HOXC4: variants seen among roughly 807,000 people sequenced by gnomAD.
HOXC4 encodes the protein homeobox protein Hox-C4.
In HOXC4, 15 loss-of-function variants were observed where a neutral mutation model predicts 25.5. The observed-to-expected ratio is 0.59, with a 90% CI of 0.39 to 0.91. The LOEUF (loss-of-function observed/expected upper bound fraction) is 0.91. Among genes scored for constraint, HOXC4 ranks in the 40% least tolerant of loss-of-function variants. HOXC4 has a pLI of 0.00. For missense variants in HOXC4, 342 were observed against 352.4 expected (o/e 0.97, Z 0.24); for synonymous variants, 165 against 148.0 (o/e 1.11, Z -0.83).
At chr12:54,050,767 G>A (rs1937825897), upstream of HOXC4, among the ~76,000 whole-genome samples, 1 of 152,166 alleles carries the variant, frequency 6.6e-6, no homozygotes, top group Non-Finnish European at 1.5e-5. Context: ...GCACATTTGG[G>A]GGAATCTTGG....
At chr12:54,042,171 T>A (rs1248538809) in intron 1 of HOXC4, among the ~76,000 whole-genome samples, 1 of 151,890 alleles carries the variant, frequency 6.6e-6, no homozygotes, top group Non-Finnish European at 1.5e-5. Flanking sequence ...AGAGACAGGG[T>A]TTCTCCGTGT....
chr12:54,026,965 G>T (rs1021183138), intron 1 of HOXC4, among the ~76,000 whole-genome samples: 9 of 45,180 alleles, frequency 2.0e-4, no homozygotes, highest in Non-Finnish European at 1.5e-4. Context: ...CAAAAATGGT[G>T]GGGGGGGGGG....
Position 54,026,398 on chromosome 12 carries a change from C to T in HOXC4, c.-124+8984C>T, listed in dbSNP as rs141237178. Among the ~76,000 whole-genome samples, 477 of 152,334 alleles carry T rather than the reference C, an allele frequency of 3.1e-3. 4 individuals carry two copies. Among genetic ancestry groups the T allele is most frequent in the African/African-American group, 0.011 (438 of 41,586 alleles). ...AGCTGGATTCTAGGGCAAAAAGCAA[C>T]TCACATTGGTGTCTATGTTTGTGTA... On this transcript the variant is annotated intron_variant, in intron 1 of 3. Transcript: ENST00000303406.
At chr12:54,044,847 C>T (rs913673296) in intron 1 of HOXC4, among the ~76,000 whole-genome samples, 2 of 152,062 alleles carry the variant, frequency 1.3e-5, no homozygotes, top group African/African-American at 4.8e-5. Flanking sequence ...CCTAAGGATC[C>T]CCCACCCCCT....
At chr12:54,034,587 G>A (rs4016778) in intron 1 of HOXC4, 57,967 of 1,062,948 alleles carry the variant, frequency 0.055, 2,285 homozygotes, top group South Asian at 0.16. Flanking sequence ...CGGGTCGGGG[G>A]CAGGTGCTGG....
upstream of HOXC4, among the ~76,000 whole-genome samples, chr12:54,051,470 C>T (rs1346181143): frequency 1.3e-5 from 2 of 152,188 alleles, no homozygotes; most frequent in Non-Finnish European, 2.9e-5. Flanking sequence ...AAGCAGTAGC[C>T]TTCCTCCGCC....
Position 54,055,385 on chromosome 12 carries a change from C to A in HOXC4, c.*180C>A, listed in dbSNP as rs556489134. ...AGACAAAACAGATAAACAAACAAGC[C>A]CCCTGCCCTCCTCTCCCTCCCACTG... On this transcript the variant is annotated 3_prime_UTR_variant, in exon 2 of 2. Coordinates refer to ENST00000430889, the MANE Select transcript of HOXC4 (RefSeq NM_153633.3). The A allele has an allele frequency of 4.7e-4, 104 of 221,380 alleles. No individual in the cohort carries two copies. Among genetic ancestry groups the A allele is most frequent in the African/African-American group, 2.3e-3 (101 of 43,130 alleles). The allele number at this position is 221,380 out of a possible 1,614,324, so 13.7% of individuals were successfully genotyped here.
intron 1 of HOXC4, among the ~76,000 whole-genome samples, chr12:54,026,515 TG>T (rs1427806569): frequency 1.3e-5 from 2 of 152,238 alleles, no homozygotes; most frequent in Non-Finnish European, 2.9e-5. Flanking sequence ...TTCATTTCCT[TG>T]GGGAGAAGAA....
At chr12:54,043,958 GTGTGTGTGTT>G (rs1240427293) in intron 1 of HOXC4, among the ~76,000 whole-genome samples, 2,348 of 135,180 alleles carry the variant, frequency 0.017, 52 homozygotes, top group African/African-American at 0.063. Context: ...GTGTGTGTGT[GTGTGTGTGTT>G]TAGGGAGTAG....
intron 1 of HOXC4, chr12:54,030,749 A>G (rs1024028895): frequency 6.6e-6 from 1 of 152,576 alleles, no homozygotes. Context: ...CCTTCGTGTT[A>G]CCCTCCTGTA....
In HOXC4 at chr12:54,054,877, C is replaced by T. The variant is rs200589330; in HGVS notation, c.467C>T (p.Pro156Leu). 1 of 1,610,130 alleles carries T rather than the reference C, an allele frequency of 6.2e-7. No homozygotes were observed. The highest frequency in any genetic ancestry group is 1.3e-5 in the African/African-American group (1 of 74,858). The stretch of plus-strand genomic sequence containing the variant: ...AACCCCAATTATAACGGAGGGGAAC[C>T]CAAGCGCTCGAGGACAGCCTATACC... ...TVNPNYNGGEPKRSRTAYTRQ... is the reference protein window; with the variant it reads ...TVNPNYNGGELKRSRTAYTRQ... The change falls in exon 2 of 2, where the codon CCC becomes CTC. Residue 156 changes from proline (P) to leucine (L), a missense_variant. By Grantham distance (98) the Pro-to-Leu change is moderately conservative. Coordinates refer to ENST00000430889, the MANE Select transcript of HOXC4 (RefSeq NM_153633.3).
intron 1 of HOXC4, among the ~76,000 whole-genome samples, chr12:54,031,948 A>G (rs1941003492): frequency 6.6e-6 from 1 of 152,210 alleles, no homozygotes; most frequent in Non-Finnish European, 1.5e-5. Context: ...TGGAAAGCCT[A>G]GCCCAGAGAC....
At position 54,055,174 on chromosome 12, in the gene HOXC4, A is replaced by G. The variant is rs751831328; in HGVS notation, c.764A>G (p.Gln255Arg). ...TCCCAGAGCGCCACGCCGCCGGAGC[A>G]GCAACGGGCAGAGGACATTACCAGG... ...DHSQSATPPE[Q>R]QRAEDITRL The change falls in exon 2 of 2, where the codon CAG becomes CGG. Residue 255 changes from glutamine (Q) to arginine (R), a missense_variant. By Grantham distance (43) the Gln-to-Arg change is conservative. Transcript: ENST00000430889. The G allele has an allele frequency of 6.2e-6, 10 of 1,610,338 alleles. No homozygotes were observed. The African/African-American group carries it at 1.3e-4, about 22-fold the overall frequency.
chr12:54,019,107 C>T (rs1383107895), intron 1 of HOXC4, among the ~76,000 whole-genome samples: 1 of 137,528 alleles, frequency 7.3e-6, no homozygotes, highest in Admixed American at 7.6e-5. Context: ...ATTCCCCTTT[C>T]GCAGCCATCA....
At chr12:54,045,460 ATGTG>A (rs1312684357) in intron 1 of HOXC4, among the ~76,000 whole-genome samples, 1 of 152,188 alleles carries the variant, frequency 6.6e-6, no homozygotes, top group Non-Finnish European at 1.5e-5. Context: ...GGAAAGAACT[ATGTG>A]TGTGTTCAAT....
intron 1 of HOXC4, among the ~76,000 whole-genome samples, chr12:54,024,866 C>T (rs1940620253): frequency 6.6e-6 from 1 of 152,234 alleles, no homozygotes; most frequent in Admixed American, 6.5e-5. Flanking sequence ...AAATTTCTCT[C>T]CTATAATTAG....
Position 54,041,980 on chromosome 12 carries a change from T to TTC in HOXC4, c.-123-11179_-123-11178insCT, listed in dbSNP as rs200871985. Among the ~76,000 whole-genome samples the TTC allele has an allele frequency of 6.2e-3, 877 of 141,312 alleles. 6 individuals carry two copies. The highest frequency in any genetic ancestry group is 0.023 in the African/African-American group (787 of 34,960). 92.7% of individuals were successfully genotyped at this position (141,312 alleles called of 152,430 possible). On this transcript the variant is annotated intron_variant, in intron 1 of 3. Transcript: ENST00000303406. ...GCCCAGCCTTTTCTTTTCTTTTCTT[T>TTC]TTTTTTTTTTTTTTTGAGATGGAGT...
rs529002957 is a variant in HOXC4, at chr12:54,041,639, T to C, written c.-123-11521T>C. 1.4e-4 allele frequency among the ~76,000 whole-genome samples: 22 copies of C among 152,338 alleles called. No homozygotes were observed. In the South Asian group the frequency reaches 3.7e-3, roughly 26 times the overall value. On this transcript the variant is annotated intron_variant, in intron 1 of 3. Coordinates refer to the HOXC4 transcript ENST00000303406. ...AAAGAGCAGCTCTTCTCAGAAATCATTGAGCCCTCACTTTTCAAGTTACCT... is the reference window on the plus strand; with the variant it reads ...AAAGAGCAGCTCTTCTCAGAAATCACTGAGCCCTCACTTTTCAAGTTACCT...
At chr12:54,028,914 G>T (rs1270185054) in intron 1 of HOXC4, 5 of 1,608,430 alleles carry the variant, frequency 3.1e-6, no homozygotes, top group East Asian at 4.5e-5. Flanking sequence ...GAATGAATTC[G>T]CACAGTGGTG....
Sources: gnomAD v4.1 joint callset for allele counts (sites outside exome capture counted in the v4.1 genomes callset) on GRCh38, gnomAD v4.1.1 for gene constraint, MANE v1.5 for transcripts, NCBI Gene and HGNC (gene_info 2026-07-23, HGNC 2026-07-21) for gene names.